The following ULK4 variants were observed in gnomAD, a reference collection of about 807,000 sequenced individuals.
The protein encoded by ULK4 is inactive serine/threonine-protein kinase ULK4.
Under a neutral mutation model 160.6 loss-of-function variants are expected in ULK4, and 133 were observed. The observed-to-expected ratio is 0.83, with a 90% CI of 0.72 to 0.96. The LOEUF is 0.96. ULK4 is among the 40% of genes least tolerant of loss of function. ULK4 has a pLI of 0.00. For synonymous variants in ULK4, 534 were observed against 539.8 expected, an observed-to-expected ratio of 0.99 and a Z score of 0.15; for missense variants, 1,580 against 1,499.5, an observed-to-expected ratio of 1.05 and a Z score of -0.89.
intron 19 of ULK4, among the ~76,000 whole-genome samples, chr3:41,818,863 G>T (rs1404553912): frequency 1.3e-5 from 2 of 152,242 alleles, no homozygotes; most frequent in African/African-American, 4.8e-5. Context: ...TTACACGTGG[G>T]AGCTACATAT....
chr3:41,340,265 A>C (rs903834397), intron 35 of ULK4, among the ~76,000 whole-genome samples: 1 of 152,216 alleles, frequency 6.6e-6, no homozygotes, highest in African/African-American at 2.4e-5. Flanking sequence ...TATTTGACCA[A>C]GAGGTGTTCA....
chr3:41,737,688 T>C (rs2038103054), intron 22 of ULK4, among the ~76,000 whole-genome samples: 2 of 151,952 alleles, frequency 1.3e-5, no homozygotes, highest in South Asian at 2.1e-4. Flanking sequence ...ACTTTAAATA[T>C]GGAATGAATT....
chr3:41,262,116 C>T (rs992279276), intron 35 of ULK4, among the ~76,000 whole-genome samples: 4 of 152,220 alleles, frequency 2.6e-5, no homozygotes, highest in Admixed American at 2.0e-4. Flanking sequence ...CTTCCTGCCC[C>T]AGTCACCATG....
At chr3:41,915,417 G>A (rs1698932787) in intron 8 of ULK4, 1 of 152,198 alleles carries the variant, frequency 6.6e-6, no homozygotes, top group African/African-American at 2.4e-5. Flanking sequence ...CTAGTTGTTT[G>A]GGCCTCTTTC....
chr3:41,306,237 G>A (rs1342960982), intron 35 of ULK4, among the ~76,000 whole-genome samples: 1 of 91,178 alleles, frequency 1.1e-5, no homozygotes, highest in Non-Finnish European at 2.0e-5. Context: ...TCAGCCCCCC[G>A]CCCGGCCAGC....
rs57224854 is a variant in ULK4 at position 41,412,553 on chromosome 3, A to ATTTTTTTTTTTTTTTTTTTTTT, written c.3493-14311_3493-14290dup. Among the ~76,000 whole-genome samples the ATTTTTTTTTTTTTTTTTTTTTT allele has an allele frequency of 9.4e-4, 94 of 100,426 alleles. 7 individuals are homozygous for ATTTTTTTTTTTTTTTTTTTTTT. The highest frequency in any genetic ancestry group is 1.3e-3 in the Non-Finnish European group (67 of 50,730). 65.9% of individuals were successfully genotyped at this position (100,426 alleles called of 152,430 possible). ...TAAAGGTCAATGGCAATGCAGTTGA[A>ATTTTTTTTTTTTTTTTTTTTTT]TTTTTTTTTTTTTTTTTTTTTTTTT... On this transcript the variant is annotated intron_variant, in intron 34 of 36. Coordinates refer to ENST00000301831, the MANE Select transcript of ULK4 (RefSeq NM_017886.4).
intron 18 of ULK4, among the ~76,000 whole-genome samples, chr3:41,827,247 G>A (rs914328701): frequency 6.7e-6 from 1 of 149,724 alleles, no homozygotes; most frequent in Admixed American, 6.7e-5. Context: ...ACAATTAAAA[G>A]AACTAGAGAA....
chr3:41,954,068 C>G (rs866055875), intron 2 of ULK4, among the ~76,000 whole-genome samples: 3 of 151,200 alleles, frequency 2.0e-5, no homozygotes, highest in Non-Finnish European at 2.9e-5. Context: ...ACTACAGCTA[C>G]TCGGGAGGCT....
chr3:41,712,668 T>C (rs918367042), intron 25 of ULK4, among the ~76,000 whole-genome samples: 1 of 152,136 alleles, frequency 6.6e-6, no homozygotes, highest in East Asian at 1.9e-4. Context: ...GGTGGGTGGA[T>C]TACTTGAGTC....
At chr3:41,380,781 C>T (rs1575491379) in intron 35 of ULK4, among the ~76,000 whole-genome samples, 1 of 152,186 alleles carries the variant, frequency 6.6e-6, no homozygotes, top group African/African-American at 2.4e-5. Flanking sequence ...CTTTACCCCT[C>T]CTCTTGAATC....
intron 35 of ULK4, among the ~76,000 whole-genome samples, chr3:41,392,030 G>T (rs989678511): frequency 6.6e-6 from 1 of 152,068 alleles, no homozygotes; most frequent in Non-Finnish European, 1.5e-5. Context: ...ACAAATCTGT[G>T]GTGGTTCATG....
chr3:41,613,380 T>A (rs577811536), intron 31 of ULK4, among the ~76,000 whole-genome samples: 1 of 152,190 alleles, frequency 6.6e-6, no homozygotes, highest in African/African-American at 2.4e-5. Context: ...TATATCACTT[T>A]TAGGCATTTG....
intron 31 of ULK4, among the ~76,000 whole-genome samples, chr3:41,572,871 T>C (rs2088049886): frequency 6.6e-6 from 1 of 151,764 alleles, no homozygotes; most frequent in African/African-American, 2.4e-5. Flanking sequence ...AAATACGTAC[T>C]AGGGCCACTA....
chr3:41,247,806 G>C (rs566651456), intron 36 of ULK4, among the ~76,000 whole-genome samples: 2 of 152,350 alleles, frequency 1.3e-5, no homozygotes, highest in South Asian at 4.1e-4. Context: ...AGCAGGCCCA[G>C]TGAGGCTGGA....
intron 34 of ULK4, among the ~76,000 whole-genome samples, chr3:41,447,823 C>T (rs1329647261): frequency 6.6e-6 from 1 of 152,094 alleles, no homozygotes; most frequent in Admixed American, 6.5e-5. Flanking sequence ...GTTTCAGAAA[C>T]ACAGGCTGCC....
chr3:41,683,445 A>G (rs1265338571), intron 27 of ULK4, among the ~76,000 whole-genome samples: 1 of 151,702 alleles, frequency 6.6e-6, no homozygotes, highest in Non-Finnish European at 1.5e-5. Context: ...GTGAGCCAGC[A>G]GGACAGCTGG....
chr3:41,251,165 T>C (rs1017995408), intron 35 of ULK4: 7 of 152,220 alleles, frequency 4.6e-5, no homozygotes, highest in Non-Finnish European at 8.8e-5. Flanking sequence ...GTGACAGTTA[T>C]GTGATCAAAG....
At chr3:41,353,699 T>TTACTACTACTACTAC in intron 35 of ULK4, among the ~76,000 whole-genome samples, 1 of 143,956 alleles carries the variant, frequency 6.9e-6, no homozygotes. Flanking sequence ...ATAATTACAA[T>TTACTACTACTACTAC]TACTACTACT....
chr3:41,618,889 G>T (rs1159319845), intron 30 of ULK4, among the ~76,000 whole-genome samples: 1 of 151,662 alleles, frequency 6.6e-6, no homozygotes, highest in African/African-American at 2.4e-5. Flanking sequence ...CATCTCACAT[G>T]CAAAGACAAA....
Sources: allele counts gnomAD v4.1 joint callset (sites outside exome capture counted in the v4.1 genomes callset), GRCh38; gene constraint gnomAD v4.1.1; transcripts MANE v1.5; gene names NCBI Gene and HGNC (gene_info 2026-07-23, HGNC 2026-07-21).